WDR3: variants seen among roughly 807,000 people sequenced by gnomAD.
The protein encoded by WDR3 is WD repeat domain 3, also known as WD repeat-containing protein 3.
A neutral mutation model predicts 123.7 loss-of-function variants in WDR3; 81 were observed. The observed-to-expected ratio is 0.65, with a 90% CI of 0.55 to 0.79. The LOEUF (loss-of-function observed/expected upper bound fraction) is 0.79. WDR3 is among the 30% of genes least tolerant of loss of function. The probability of loss-of-function intolerance (pLI) is 0.00; values close to 1 mark genes in which losing one functional copy is unlikely to be tolerated. For synonymous variants in WDR3, 390 were observed against 388.8 expected (o/e 1.00, Z -0.04); for missense variants, 1,027 against 1,123.2 (o/e 0.91, Z 1.22).
In WDR3 at chr1:117,962,568, G is replaced by C. The variant is rs1653251858; in HGVS notation, c.*3121G>C. 2 of 149,590 alleles carry C rather than the reference G, an allele frequency of 1.3e-5. No individual in the cohort carries two copies. Among genetic ancestry groups the C allele is most frequent in the Non-Finnish European group, 3.0e-5 (2 of 67,598 alleles). The allele number at this position is 149,590 out of a possible 1,614,324, so 9.3% of individuals were successfully genotyped here. A position where few individuals can be genotyped will look rare whatever the true frequency, so the allele number is the denominator to read the frequency against. ...ATTGAAAAAAAAAAAAAAGGCTCTTGAATGATGTATTGGGAGTAAAACATT... is the reference window on the plus strand; with the variant it reads ...ATTGAAAAAAAAAAAAAAGGCTCTTCAATGATGTATTGGGAGTAAAACATT... On this transcript the variant is annotated 3_prime_UTR_variant, in exon 27 of 27. Transcript: ENST00000349139.
intron 3 of WDR3, 50 bp from the exon 4 acceptor site, chr1:117,936,719 A>G: frequency 1.4e-6 from 2 of 1,421,654 alleles, no homozygotes; most frequent in Non-Finnish European, 9.8e-7. Flanking sequence ...AAGTTGGGCC[A>G]TATATGGTAA....
chr1:117,931,672 T>C (rs1217683025), intron 1 of WDR3, among the ~76,000 whole-genome samples: 5 of 152,192 alleles, frequency 3.3e-5, no homozygotes, highest in African/African-American at 1.2e-4. Flanking sequence ...AGGAAAACAC[T>C]GTAGAAGGAG....
chr1:117,959,071 A>G, intron 26 of WDR3, 68 bp downstream of exon 26: 2 of 1,497,052 alleles, frequency 1.3e-6, no homozygotes, highest in South Asian at 1.2e-5. Context: ...ATAGTATAGT[A>G]TGCTGTGCTT....
chr1:117,937,007 TCTC>T (rs916814637), intron 4 of WDR3, 120 bp downstream of exon 4: 7 of 691,624 alleles, frequency 1.0e-5, no homozygotes, highest in African/African-American at 7.2e-5. Context: ...TCTCTCCTGT[TCTC>T]CTGCATTCCT....
chr1:117,930,393 A>G (rs1650667417), intron 1 of WDR3, among the ~76,000 whole-genome samples: 1 of 152,238 alleles, frequency 6.6e-6, no homozygotes, highest in Admixed American at 6.5e-5. Flanking sequence ...AGAGGAGAAC[A>G]TGGATGTTAT....
chr1:117,945,825 G>A (rs527246649), intron 11 of WDR3, among the ~76,000 whole-genome samples: 10 of 152,274 alleles, frequency 6.6e-5, no homozygotes, highest in African/African-American at 2.4e-4. Context: ...ATTGGGCTCC[G>A]TGGAGCCCAG....
chr1:117,955,267 A>G, intron 23 of WDR3, 48 bp from the exon 24 acceptor site: 1 of 1,539,474 alleles, frequency 6.5e-7, no homozygotes, highest in Non-Finnish European at 8.9e-7. Flanking sequence ...GAACTTTAGT[A>G]GAAACCAACC....
At position 117,962,897 on chromosome 1, in the gene WDR3, TC is replaced by T. The variant is rs1373401320; in HGVS notation, c.*3451del. 2 of 152,226 alleles carry T rather than the reference TC, an allele frequency of 1.3e-5. No individual in the cohort carries two copies. The highest frequency in any genetic ancestry group is 2.9e-5 in the Non-Finnish European group (2 of 68,082). The allele number at this position is 152,226 out of a possible 1,614,324, so 9.4% of individuals were successfully genotyped here. Reference sequence around the variant, plus strand: ...CAGCCTTTTCAGGCCAGATTAGTCTTCAGAAAGAGAGGGAGGTTGTGAGCAG... The same window carrying T: ...CAGCCTTTTCAGGCCAGATTAGTCTTAGAAAGAGAGGGAGGTTGTGAGCAG... On this transcript the variant is annotated 3_prime_UTR_variant, in exon 27 of 27. Coordinates refer to ENST00000349139, the MANE Select transcript of WDR3 (RefSeq NM_006784.3).
At chr1:117,959,187 G>A (rs1469388196) in intron 26 of WDR3, 105 bp from the exon 27 acceptor site, 1 of 1,429,942 alleles carries the variant, frequency 7.0e-7, no homozygotes, top group Non-Finnish European at 9.4e-7. Flanking sequence ...ATGAGGGAAA[G>A]ATAAGTAACA....
Position 117,943,550 on chromosome 1 carries a change from G to A in WDR3, c.1252G>A (p.Val418Met). ...RITIGGHRSD[V>M]RTLSFSSDNI... ...CACTATTGGGGGTCATCGCAGTGAT[G>A]TGCGGACTTTGTCATTCAGCTCAGA... Residue 418 changes from valine (V) to methionine (M), a missense_variant, in exon 11 of 27, where the codon GTG (valine) becomes ATG (methionine). Physicochemically the swap from Val to Met is conservative, Grantham distance 21. Transcript: ENST00000349139. The A allele has an allele frequency of 2.5e-6, 4 of 1,614,142 alleles. No homozygotes were observed. In the South Asian group the frequency reaches 3.3e-5, roughly 13 times the overall value.
Position 117,942,460 on chromosome 1 carries a change from A to T in WDR3, c.1013A>T (p.Glu338Val). ...AGATTACATTCTAGCAAAGGAGAGGAGGAAGATCCTGAGGTTAATGTTGAA... is the reference window on the plus strand; with the variant it reads ...AGATTACATTCTAGCAAAGGAGAGGTGGAAGATCCTGAGGTTAATGTTGAA... ...KAKLHSSKGE[E>V]EDPEVNVEMS... is the part of the protein sequence containing the mutation. The change falls in exon 10 of 27, where the codon GAG becomes GTG. Residue 338 changes from glutamate to valine, a missense_variant. Glu to Val is a moderately radical substitution (Grantham distance 121). Coordinates refer to ENST00000349139, the MANE Select transcript of WDR3 (RefSeq NM_006784.3). 6.2e-7 allele frequency: 1 copy of T among 1,613,984 alleles called. No homozygotes were observed. The highest frequency in any genetic ancestry group is 8.5e-7 in the Non-Finnish European group (1 of 1,179,922).
At chr1:117,932,234 C>T (rs1488336549) in intron 1 of WDR3, among the ~76,000 whole-genome samples, 5 of 152,124 alleles carry the variant, frequency 3.3e-5, no homozygotes, top group Non-Finnish European at 7.3e-5. Flanking sequence ...AAATAGTGTG[C>T]CAAGTTGCTC....
At chr1:117,957,298 C>G in intron 25 of WDR3, 102 bp downstream of exon 25, 1 of 1,383,992 alleles carries the variant, frequency 7.2e-7, no homozygotes, top group Non-Finnish European at 9.6e-7. Context: ...AATAGTATGC[C>G]GAACTCGGTG....
At chr1:117,951,015 C>G in intron 16 of WDR3, 125 bp downstream of exon 16, 1 of 688,054 alleles carries the variant, frequency 1.5e-6, no homozygotes, top group Non-Finnish European at 2.4e-6. Context: ...ATATATCTTT[C>G]TCCAAAAACA....
rs980147755 is a variant in WDR3 at position 117,950,973 on chromosome 1, C to T, written c.1803+83C>T. 18 of 1,123,136 alleles carry T rather than the reference C, an allele frequency of 1.6e-5. No homozygotes were observed. The African/African-American group carries it at 2.7e-4, about 17-fold the overall frequency. The allele number at this position is 1,123,136 out of a possible 1,614,324, so 69.6% of individuals were successfully genotyped here. ...CTTAATTCTGGCTTGATGTCTTCAT[C>T]TTAGATTATTTGTTTTTATCATCAT... On this transcript the variant is annotated intron_variant, in intron 16 of 26. Transcript: ENST00000349139.
chr1:117,945,570 C>G (rs1651352400), intron 11 of WDR3, among the ~76,000 whole-genome samples: 1 of 152,082 alleles, frequency 6.6e-6, no homozygotes. Flanking sequence ...TTTATTATTC[C>G]CAAAGAATGT....
Position 117,960,109 on chromosome 1 carries a change from C to CGT in WDR3, c.*699_*700dup, listed in dbSNP as rs3059173. Reference sequence around the variant, plus strand: ...TGGGCTTCTGAGGAATTAATACACTCGTGTGTGTGTGTGTGTGTGTGTGTG... The same window carrying CGT: ...TGGGCTTCTGAGGAATTAATACACTCGTGTGTGTGTGTGTGTGTGTGTGTGTG... On this transcript the variant is annotated 3_prime_UTR_variant, in exon 27 of 27. Transcript: ENST00000349139. The CGT allele has an allele frequency of 0.3, 43,351 of 144,170 alleles. 6,813 individuals carry two copies. Among genetic ancestry groups the CGT allele is most frequent in the East Asian group, 0.61 (2,916 of 4,746 alleles). 8.9% of individuals were successfully genotyped at this position (144,170 alleles called of 1,614,324 possible). A position where few individuals can be genotyped will look rare whatever the true frequency, so the allele number is the denominator to read the frequency against.
At position 117,965,910 on chromosome 1, in the gene WDR3, G is replaced by A. The variant is rs933995799; in HGVS notation, c.*6463G>A. Reference sequence around the variant, plus strand: ...TCCCTGCCAATCATCCCAAACACCTGGAGCTTTCCTGTTGCCATGGTTTTG... The same window carrying A: ...TCCCTGCCAATCATCCCAAACACCTAGAGCTTTCCTGTTGCCATGGTTTTG... On this transcript the variant is annotated 3_prime_UTR_variant, in exon 27 of 27. Coordinates refer to ENST00000349139, the MANE Select transcript of WDR3 (RefSeq NM_006784.3). The A allele has an allele frequency of 6.6e-6, 1 of 152,106 alleles. No homozygotes were observed. Among genetic ancestry groups the A allele is most frequent in the African/African-American group, 2.4e-5 (1 of 41,418 alleles). 9.4% of individuals were successfully genotyped at this position (152,106 alleles called of 1,614,324 possible).
Position 117,960,878 on chromosome 1 carries a change from G to C in WDR3, c.*1431G>C, listed in dbSNP as rs1652987651. On this transcript the variant is annotated 3_prime_UTR_variant, in exon 27 of 27. Transcript: ENST00000349139. ...TGGCAGTAAATGATAAAATAGTCTAGTATCTACATATATTTTGTGCATTCA... is the reference window on the plus strand; with the variant it reads ...TGGCAGTAAATGATAAAATAGTCTACTATCTACATATATTTTGTGCATTCA... The C allele has an allele frequency of 6.6e-6, 1 of 152,152 alleles. No homozygotes were observed. Among genetic ancestry groups the C allele is most frequent in the Non-Finnish European group, 1.5e-5 (1 of 68,026 alleles). The allele number at this position is 152,152 out of a possible 1,614,324, so 9.4% of individuals were successfully genotyped here. A position where few individuals can be genotyped will look rare whatever the true frequency, so the allele number is the denominator to read the frequency against.
Sources: gnomAD v4.1 joint callset for allele counts (sites outside exome capture counted in the v4.1 genomes callset) on GRCh38, gnomAD v4.1.1 for gene constraint, MANE v1.5 for transcripts, NCBI Gene and HGNC (gene_info 2026-07-23, HGNC 2026-07-21) for gene names.